Variants in HOMER1 observed in about 807,000 individuals in gnomAD.
HOMER1 encodes homer scaffold protein 1.
In HOMER1, 3 loss-of-function variants were observed where a neutral mutation model predicts 48.9. That is an observed-to-expected ratio of 0.06 (90% CI 0.03 to 0.16). The LOEUF (loss-of-function observed/expected upper bound fraction) is 0.16. Ranked by LOEUF, HOMER1 falls within the 10% of genes least tolerant of loss-of-function variation. HOMER1 has a pLI of 1.00. For synonymous variants in HOMER1, 134 were observed against 146.4 expected, an observed-to-expected ratio of 0.92 and a Z score of 0.61; for missense variants, 247 against 411.4, an observed-to-expected ratio of 0.60 and a Z score of 3.46.
chr5:79,469,912 G>A (rs1041540193), intron 1 of HOMER1, among the ~76,000 whole-genome samples: 8 of 152,164 alleles, frequency 5.3e-5, no homozygotes, highest in African/African-American at 1.7e-4. Context: ...TGGTGTTTGT[G>A]CTTAGATGCA....
intron 5 of HOMER1, among the ~76,000 whole-genome samples, chr5:79,428,508 T>A: frequency 6.6e-6 from 1 of 152,058 alleles, no homozygotes; most frequent in African/African-American, 2.4e-5. Context: ...CTATCTTTAT[T>A]TACAGATGAT....
chr5:79,462,380 T>C (rs1362020570), intron 1 of HOMER1, among the ~76,000 whole-genome samples: 1 of 152,188 alleles, frequency 6.6e-6, no homozygotes, highest in Non-Finnish European at 1.5e-5. Flanking sequence ...TCTAGGAAAT[T>C]GGTGTAACAA....
chr5:79,494,439 T>C (rs1752368472), intron 1 of HOMER1, among the ~76,000 whole-genome samples: 1 of 152,226 alleles, frequency 6.6e-6, no homozygotes, highest in Non-Finnish European at 1.5e-5. Context: ...TACCTCATAA[T>C]ATCTATCTAG....
At chr5:79,437,638 G>A (rs185895856) in intron 5 of HOMER1, among the ~76,000 whole-genome samples, 2 of 152,208 alleles carry the variant, frequency 1.3e-5, no homozygotes, top group East Asian at 3.9e-4. Flanking sequence ...GTTTTCCTCT[G>A]TTCATTCCTA....
chr5:79,491,933 T>G (rs564513109), intron 1 of HOMER1, among the ~76,000 whole-genome samples: 1 of 152,342 alleles, frequency 6.6e-6, no homozygotes, highest in Admixed American at 6.5e-5. Flanking sequence ...ATGGAGCTAA[T>G]AAGAGGATCA....
intron 1 of HOMER1, among the ~76,000 whole-genome samples, chr5:79,492,907 CTTT>C (rs558428061): frequency 0.24 from 20,253 of 83,808 alleles, 2,746 homozygotes; most frequent in African/African-American, 0.38. Context: ...AAAACTTTGT[CTTT>C]TTTTTTTTTT....
intron 5 of HOMER1, among the ~76,000 whole-genome samples, chr5:79,432,542 G>GT (rs1561361561): frequency 6.6e-6 from 1 of 152,072 alleles, no homozygotes; most frequent in South Asian, 2.1e-4. Flanking sequence ...ATAAAGAATA[G>GT]TTTTTTTCTT....
intron 1 of HOMER1, among the ~76,000 whole-genome samples, chr5:79,471,553 A>G (rs1228434221): frequency 2.2e-3 from 4 of 1,824 alleles, no homozygotes; most frequent in African/African-American, 3.2e-3. Context: ...ATCTCAAAGA[A>G]AAAAAAAAAA....
intron 1 of HOMER1, among the ~76,000 whole-genome samples, chr5:79,481,858 G>C (rs1429263561): frequency 2.0e-5 from 3 of 152,174 alleles, no homozygotes; most frequent in Admixed American, 6.5e-5. Flanking sequence ...TTAAAAGTAA[G>C]CTTTGAAAAG....
At chr5:79,380,733 G>A (rs2112189283) in intron 8 of HOMER1, among the ~76,000 whole-genome samples, 1 of 152,164 alleles carries the variant, frequency 6.6e-6, no homozygotes, top group Non-Finnish European at 1.5e-5. Flanking sequence ...TAGGGGGAGT[G>A]AAGGGATTGC....
chr5:79,395,865 C>T (rs1749368616), intron 8 of HOMER1, among the ~76,000 whole-genome samples: 1 of 152,082 alleles, frequency 6.6e-6, no homozygotes, highest in Admixed American at 6.6e-5. Flanking sequence ...AAGTGCTAAG[C>T]CCAGTGTCCG....
At chr5:79,455,659 C>G (rs866207431) in intron 2 of HOMER1, among the ~76,000 whole-genome samples, 9 of 152,172 alleles carry the variant, frequency 5.9e-5, no homozygotes, top group African/African-American at 2.2e-4. Context: ...AACAAAAATT[C>G]AAACCAGTCA....
chr5:79,503,171 C>T (rs1452361770), intron 1 of HOMER1, among the ~76,000 whole-genome samples: 1 of 152,156 alleles, frequency 6.6e-6, no homozygotes, highest in Non-Finnish European at 1.5e-5. Flanking sequence ...TCAATTAACA[C>T]ATTTTGTATG....
At chr5:79,446,286 A>G (rs1750878822) in intron 4 of HOMER1, among the ~76,000 whole-genome samples, 1 of 152,132 alleles carries the variant, frequency 6.6e-6, no homozygotes, top group South Asian at 2.1e-4. Context: ...CAACCCAGCC[A>G]ATCCTAAACT....
intron 3 of HOMER1, 99 bp downstream of exon 3, chr5:79,450,889 TAA>T: frequency 2.6e-6 from 3 of 1,150,902 alleles, no homozygotes. Context: ...GAATATTAAA[TAA>T]ATTTCTCCTA....
At chr5:79,412,364 A>G (rs1272468344) in intron 5 of HOMER1, among the ~76,000 whole-genome samples, 1 of 152,212 alleles carries the variant, frequency 6.6e-6, no homozygotes, top group Non-Finnish European at 1.5e-5. Flanking sequence ...TACTTGGAAC[A>G]TTGCAGAGTG....
intron 8 of HOMER1, among the ~76,000 whole-genome samples, chr5:79,378,155 G>A (rs1168296939): frequency 1.3e-5 from 2 of 148,514 alleles, no homozygotes; most frequent in Non-Finnish European, 3.0e-5. Flanking sequence ...GGAGGCAGAG[G>A]TTGTGGTGAG....
chr5:79,488,870 G>A (rs1346318263), intron 1 of HOMER1, among the ~76,000 whole-genome samples: 1 of 152,224 alleles, frequency 6.6e-6, no homozygotes, highest in Non-Finnish European at 1.5e-5. Flanking sequence ...ACACAGCCAA[G>A]ATGAGGATGG....
In HOMER1 at chr5:79,512,912, T is replaced by G; in HGVS notation, c.-138A>C. 1.3e-6 allele frequency: 1 copy of G among 748,966 alleles called. No individual in the cohort carries two copies. The highest frequency in any genetic ancestry group is 2.3e-6 in the Non-Finnish European group (1 of 427,526). The allele number at this position is 748,966 out of a possible 1,614,324, so 46.4% of individuals were successfully genotyped here. ...TCCTTGTCCGGAGGTATTTCAAGGA[T>G]GCTGCCAATTCAATTAGTTCTCTTA... On this transcript the variant is annotated 5_prime_UTR_variant, in exon 1 of 9. Transcript: ENST00000334082.
Sources: allele counts gnomAD v4.1 joint callset (sites outside exome capture counted in the v4.1 genomes callset), GRCh38; gene constraint gnomAD v4.1.1; transcripts MANE v1.5; gene names NCBI Gene and HGNC (gene_info 2026-07-23, HGNC 2026-07-21).